ZSCAN21: variants seen among roughly 807,000 people sequenced by gnomAD.
ZSCAN21 encodes the protein zinc finger and SCAN domain-containing protein 21.
Under a neutral mutation model 35.6 loss-of-function variants are expected in ZSCAN21, and 26 were observed. The ratio of observed to expected loss-of-function variants is 0.73; its 90% confidence interval spans 0.54 to 1.01. The LOEUF is 1.01. ZSCAN21 is among the 50% of genes least tolerant of loss of function. The pLI is 0.00. For missense variants in ZSCAN21, 593 were observed against 587.1 expected (o/e 1.01, Z -0.10); for synonymous variants, 219 against 219.3 (o/e 1.00, Z 0.01).
At chr7:100,053,573 CAG>C (rs1233227170) in intron 1 of ZSCAN21, among the ~76,000 whole-genome samples, 2 of 81,036 alleles carry the variant, frequency 2.5e-5, no homozygotes, top group Admixed American at 1.5e-4. Flanking sequence ...TTTTTTGCAA[CAG>C]AGTCTTACTC....
At chr7:100,059,449 C>T (rs567239502) in intron 3 of ZSCAN21, among the ~76,000 whole-genome samples, 1 of 152,102 alleles carries the variant, frequency 6.6e-6, no homozygotes, top group African/African-American at 2.4e-5. Flanking sequence ...ATTATCAGAG[C>T]CAGGAACAGG....
chr7:100,064,172 C>G lies in ZSCAN21; in HGVS notation c.977C>G (p.Thr326Arg). 6.2e-7 allele frequency: 1 copy of G among 1,614,030 alleles called. No homozygotes were observed. The highest frequency in any genetic ancestry group is 8.5e-7 in the Non-Finnish European group (1 of 1,180,002). ...HSSNLTLHYR[T>R]HLVDRPYDCK... is the part of the protein sequence containing the mutation. ...TCAAACCTCACCCTCCACTACAGAA[C>G]ACACTTGGTGGACCGGCCCTATGAC... Residue 326 changes from threonine (T) to arginine (R), a missense_variant, in exon 4 of 4, where the codon ACA becomes AGA. Coordinates refer to ENST00000292450, the MANE Select transcript of ZSCAN21 (RefSeq NM_145914.3).
chr7:100,057,136 T>G lies in ZSCAN21; in HGVS notation c.130T>G (p.Phe44Val). 1 of 1,614,088 alleles carries G rather than the reference T, an allele frequency of 6.2e-7. No homozygotes were observed. The highest frequency in any genetic ancestry group is 8.5e-7 in the Non-Finnish European group (1 of 1,180,028). ...KGKYLPSLEM[F>V]RQRFRQFGYH... The stretch of plus-strand genomic sequence containing the variant: ...CAAGTACCTTCCTAGCCTGGAGATG[T>G]TCCGCCAGCGCTTCAGGCAGTTTGG... Residue 44 changes from phenylalanine to valine, a missense_variant, in exon 2 of 4, where the codon TTC (phenylalanine) becomes GTC (valine). By Grantham distance (50) the Phe-to-Val change is conservative. Transcript: ENST00000292450.
At chr7:100,054,173 T>G (rs1258762624) in intron 1 of ZSCAN21, among the ~76,000 whole-genome samples, 1 of 152,128 alleles carries the variant, frequency 6.6e-6, no homozygotes, top group Non-Finnish European at 1.5e-5. Flanking sequence ...TCCTGTGGTA[T>G]GTACTGAGTA....
At chr7:100,051,028 CTACAAA>C (rs911741718) in intron 1 of ZSCAN21, among the ~76,000 whole-genome samples, 7 of 151,000 alleles carry the variant, frequency 4.6e-5, no homozygotes, top group African/African-American at 1.7e-4. Context: ...CCCGTCTCTA[CTACAAA>C]TACAAAATTA....
rs1164734568 is a variant in ZSCAN21, at chr7:100,051,282, C to CTTTTTTTTTTTTTTTTTTTTT, written c.-97+1450_-97+1470dup. Among the ~76,000 whole-genome samples, 72 of 34,964 alleles carry CTTTTTTTTTTTTTTTTTTTTT rather than the reference C, an allele frequency of 2.1e-3. 26 individuals carry two copies. The highest frequency in any genetic ancestry group is 6.1e-3 in the East Asian group (6 of 980). 22.9% of individuals were successfully genotyped at this position (34,964 alleles called of 152,430 possible). On this transcript the variant is annotated intron_variant, in intron 1 of 3. Transcript: ENST00000292450. ...GGCTGCCTAGGGATCTAGGGATTTT[C>CTTTTTTTTTTTTTTTTTTTTT]TTTTTTTTTTTTTTTTTTTTTTTTT...
intron 1 of ZSCAN21, among the ~76,000 whole-genome samples, chr7:100,053,545 A>AGT (rs1554357976): frequency 7.7e-6 from 1 of 130,380 alleles, no homozygotes; most frequent in African/African-American, 3.1e-5. Flanking sequence ...ATACATACAT[A>AGT]ATTTTTTTTT....
At chr7:100,053,546 A>ATACATACATACATAATTT (rs755978112) in intron 1 of ZSCAN21, among the ~76,000 whole-genome samples, 2 of 79,486 alleles carry the variant, frequency 2.5e-5, no homozygotes, top group Non-Finnish European at 2.6e-5. Context: ...TACATACATA[A>ATACATACATACATAATTT]TTTTTTTTTT....
In ZSCAN21 at chr7:100,062,797, C is replaced by G. The variant is rs1401139027; in HGVS notation, c.593-991C>G. On this transcript the variant is annotated intron_variant, in intron 3 of 3. Coordinates refer to ENST00000292450, the MANE Select transcript of ZSCAN21 (RefSeq NM_145914.3). The stretch of plus-strand genomic sequence containing the variant: ...GGCTGAGTCAGGAGAATCACTTGAA[C>G]CCAGGAGCGGAGACTGCGGTGAGCC... 2.6e-5 allele frequency among the ~76,000 whole-genome samples: 4 copies of G among 152,210 alleles called. No homozygotes were observed. In the East Asian group the frequency reaches 5.8e-4, roughly 22 times the overall value.
intron 3 of ZSCAN21, among the ~76,000 whole-genome samples, chr7:100,061,824 T>C (rs918645835): frequency 3.4e-4 from 51 of 152,156 alleles, no homozygotes; most frequent in African/African-American, 1.2e-3. Flanking sequence ...CAGGCTTCTG[T>C]ACCCTCAGAG....
intron 3 of ZSCAN21, among the ~76,000 whole-genome samples, chr7:100,059,182 C>T (rs988166818): frequency 9.9e-5 from 15 of 152,202 alleles, no homozygotes; most frequent in African/African-American, 3.6e-4. Context: ...AAACGTGAAA[C>T]TCCATCATGG....
intron 1 of ZSCAN21, among the ~76,000 whole-genome samples, chr7:100,055,552 T>G (rs1239045044): frequency 6.9e-6 from 1 of 144,770 alleles, no homozygotes; most frequent in Non-Finnish European, 1.5e-5. Flanking sequence ...GCGCCCGACC[T>G]CAGTTATTTT....
In ZSCAN21 at chr7:100,064,261, G is replaced by C. The variant is rs1195352846; in HGVS notation, c.1066G>C (p.Glu356Gln). ...TCTTAAACATCAGAGAATGCACACA[G>C]AAGAGGCGCCATATCAGTGCAAAGA... ...DLLKHQRMHT[E>Q]EAPYQCKDCG... is the part of the protein sequence containing the mutation. Residue 356 changes from glutamate to glutamine, a missense_variant, in exon 4 of 4, where the codon GAA becomes CAA. Coordinates refer to ENST00000292450, the MANE Select transcript of ZSCAN21 (RefSeq NM_145914.3). The C allele has an allele frequency of 1.9e-6, 3 of 1,614,062 alleles. No individual in the cohort carries two copies. Among genetic ancestry groups the C allele is most frequent in the African/African-American group, 2.7e-5 (2 of 74,924 alleles).
At chr7:100,055,663 C>G (rs540950586) in intron 1 of ZSCAN21, among the ~76,000 whole-genome samples, 6 of 143,748 alleles carry the variant, frequency 4.2e-5, no homozygotes, top group African/African-American at 1.3e-4. Flanking sequence ...TTTTTTGAGA[C>G]AGAGTCTCGC....
At chr7:100,056,060 C>T (rs750313005) in intron 1 of ZSCAN21, among the ~76,000 whole-genome samples, 36 of 152,188 alleles carry the variant, frequency 2.4e-4, no homozygotes, top group South Asian at 6.2e-4. Flanking sequence ...CCTGCTCAGC[C>T]TCCCAAGTAG....
intron 3 of ZSCAN21, among the ~76,000 whole-genome samples, chr7:100,058,511 G>T (rs1792164800): frequency 6.6e-6 from 1 of 152,244 alleles, no homozygotes; most frequent in Non-Finnish European, 1.5e-5. Flanking sequence ...GCTTCCTGGG[G>T]CACAGGGCGG....
chr7:100,063,944 C>G lies in ZSCAN21; in HGVS notation c.749C>G (p.Thr250Arg). ...QCVNLENEKG[T>R]KPPLQEAGSK... ...GTAAACCTTGAAAATGAAAAAGGAACAAAACCCCCTCTTCAAGAGGCAGGC... is the reference window on the plus strand; with the variant it reads ...GTAAACCTTGAAAATGAAAAAGGAAGAAAACCCCCTCTTCAAGAGGCAGGC... Residue 250 changes from threonine (T) to arginine (R), a missense_variant, in exon 4 of 4, where the codon ACA becomes AGA. By Grantham distance (71) the Thr-to-Arg change is moderately conservative. Coordinates refer to ENST00000292450, the MANE Select transcript of ZSCAN21 (RefSeq NM_145914.3). 6.2e-7 allele frequency: 1 copy of G among 1,614,108 alleles called. No individual in the cohort carries two copies. Among genetic ancestry groups the G allele is most frequent in the Non-Finnish European group, 8.5e-7 (1 of 1,179,992 alleles).
chr7:100,051,001 G>T (rs1791839757), intron 1 of ZSCAN21, among the ~76,000 whole-genome samples: 1 of 151,354 alleles, frequency 6.6e-6, no homozygotes, highest in Admixed American at 6.6e-5. Context: ...AGACCAGCCT[G>T]ACCAACATGG....
chr7:100,050,189 C>G (rs1332399241), intron 1 of ZSCAN21, among the ~76,000 whole-genome samples: 1 of 152,106 alleles, frequency 6.6e-6, no homozygotes, highest in Non-Finnish European at 1.5e-5. Flanking sequence ...TTTCTCTGAA[C>G]TGGAGGTCCG....
Sources: gnomAD v4.1 joint callset for allele counts (sites outside exome capture counted in the v4.1 genomes callset) on GRCh38, gnomAD v4.1.1 for gene constraint, MANE v1.5 for transcripts, NCBI Gene and HGNC (gene_info 2026-07-23, HGNC 2026-07-21) for gene names.